Variants in AP2A2 observed in about 807,000 individuals in gnomAD.
AP2A2 encodes the protein adaptor related protein complex 2 subunit alpha 2.
AP2A2 carries 32 observed loss-of-function variants against 104.2 expected under a neutral mutation model. That is an observed-to-expected ratio of 0.31 (90% CI 0.23 to 0.41). AP2A2 has a LOEUF of 0.41. Among genes scored for constraint, AP2A2 ranks in the 10% least tolerant of loss-of-function variants. AP2A2 has a pLI of 1.00. For missense variants in AP2A2, 912 were observed against 1,261.0 expected, an observed-to-expected ratio of 0.72 and a Z score of 4.19; for synonymous variants, 539 against 533.3, an observed-to-expected ratio of 1.01 and a Z score of -0.15.
rs770895993 is a variant in AP2A2 at position 993,999 on chromosome 11, G to A, written c.1782+14G>A. ...ACCGACATTCTGGTAGGAGGCCCCC[G>A]CCCTTCGGGCTGGCTTGGCTGAGGG... On this transcript the variant is annotated intron_variant, in intron 13 of 21. Coordinates refer to ENST00000448903, the MANE Select transcript of AP2A2 (RefSeq NM_012305.4). This position sits in a 1 kb window ranked among gnomAD's most constrained non-coding sequence, Gnocchi z 8.2. The A allele has an allele frequency of 3.0e-5, 49 of 1,608,474 alleles. No homozygotes were observed. The highest frequency in any genetic ancestry group is 3.3e-4 in the Middle Eastern group (2 of 6,024).
At chr11:980,550 AGCGGTGACAGGCTG>A in intron 5 of AP2A2, among the ~76,000 whole-genome samples, 7 of 150,936 alleles carry the variant, frequency 4.6e-5, no homozygotes, top group Admixed American at 2.6e-4. Context: ...CGTGTCCTGG[AGCGGTGACAGGCTG>A]CCCGGTGCTT....
intron 5 of AP2A2, among the ~76,000 whole-genome samples, chr11:978,070 C>G (rs1355700508): frequency 6.6e-6 from 1 of 152,196 alleles, no homozygotes; most frequent in East Asian, 1.9e-4. Context: ...AGGAAATGCC[C>G]TCTGACAGCC....
chr11:955,809 G>C (rs117412399), intron 1 of AP2A2, among the ~76,000 whole-genome samples: 3,806 of 152,292 alleles, frequency 0.025, 63 homozygotes, highest in Middle Eastern at 0.048. Flanking sequence ...TTGTCCTGTG[G>C]GGGAGGCAAG....
chr11:962,258 T>C (rs1854467679), intron 2 of AP2A2, among the ~76,000 whole-genome samples: 1 of 152,230 alleles, frequency 6.6e-6, no homozygotes, highest in Non-Finnish European at 1.5e-5. Flanking sequence ...AGGAAATGCA[T>C]AGAAATTGCT....
chr11:984,751 C>A lies in AP2A2; in HGVS notation c.812C>A (p.Pro271Gln). ...LLRLLQCYPP[P>Q]DPAVRGRLTE... ...AGACTGCTGCAGTGCTACCCACCCC[C>A]AGGTAACGCGCAGGCCGCGGCTCCT... The change falls in exon 7 of 22, where the codon CCA becomes CAA. Residue 271 changes from proline (P) to glutamine (Q), a missense_variant and splice_region_variant. Pro to Gln is a moderately conservative substitution (Grantham distance 76). This residue lies in a region of AP2A2 where 350 missense variants were observed against 487.0 expected (regional missense o/e 0.72). Transcript: ENST00000448903. 1.2e-6 allele frequency: 2 copies of A among 1,607,756 alleles called. No homozygotes were observed. The highest frequency in any genetic ancestry group is 1.7e-6 in the Non-Finnish European group (2 of 1,175,518).
intron 1 of AP2A2, among the ~76,000 whole-genome samples, chr11:938,198 C>A (rs553850962): frequency 6.6e-6 from 1 of 152,202 alleles, no homozygotes; most frequent in Non-Finnish European, 1.5e-5. Context: ...TGGTGCCGCA[C>A]GAAGGCCAGC....
At chr11:935,784 C>T (rs1227946203) in intron 1 of AP2A2, among the ~76,000 whole-genome samples, 2 of 150,714 alleles carry the variant, frequency 1.3e-5, no homozygotes, top group Admixed American at 6.6e-5. Context: ...TTAGTAGAGA[C>T]GGAGTTTCAC....
At chr11:938,528 G>A (rs1425977777) in intron 1 of AP2A2, among the ~76,000 whole-genome samples, 1 of 149,770 alleles carries the variant, frequency 6.7e-6, no homozygotes, top group Non-Finnish European at 1.5e-5. Flanking sequence ...AGGCTGGAGT[G>A]CAGTGGCGCG....
chr11:950,778 CAACT>C (rs1232243158), intron 1 of AP2A2, among the ~76,000 whole-genome samples: 1 of 152,076 alleles, frequency 6.6e-6, no homozygotes, highest in African/African-American at 2.4e-5. Flanking sequence ...TTCATGAAGA[CAACT>C]AAATTAAAAA....
chr11:951,188 A>G (rs1854040637), intron 1 of AP2A2, among the ~76,000 whole-genome samples: 1 of 152,164 alleles, frequency 6.6e-6, no homozygotes, highest in South Asian at 2.1e-4. Context: ...AGAAAAATGC[A>G]TATCAAAATC....
rs1853277607 is a variant in AP2A2 at position 931,087 on chromosome 11, GTGGGC to G, written c.67+5001_67+5005del. Among the ~76,000 whole-genome samples the G allele has an allele frequency of 6.6e-5, 10 of 152,184 alleles. 1 individual carries two copies. The South Asian group carries it at 2.1e-3, about 32-fold the overall frequency. ...ATCTGTTCTCCATCTCTGTAATTTT[GTGGGC>G]TCAAGGATGTCATATAAAGGGAATC... On this transcript the variant is annotated intron_variant, in intron 1 of 21. Coordinates refer to ENST00000448903, the MANE Select transcript of AP2A2 (RefSeq NM_012305.4).
chr11:987,417 A>T (rs1855498587), intron 9 of AP2A2, among the ~76,000 whole-genome samples: 3 of 152,006 alleles, frequency 2.0e-5, no homozygotes, highest in African/African-American at 7.2e-5. Flanking sequence ...TGGGAGGCCG[A>T]GGCGGGTGGA....
At chr11:1,002,408 G>A (rs542339461) in intron 15 of AP2A2, among the ~76,000 whole-genome samples, 1 of 152,378 alleles carries the variant, frequency 6.6e-6, no homozygotes, top group South Asian at 2.1e-4. Flanking sequence ...CTGTGTTGTG[G>A]ATCGCTGTCC....
chr11:972,169 C>T lies in AP2A2; in HGVS notation c.387C>T (p.Gly129=), dbSNP rs1457727891. The T allele has an allele frequency of 1.1e-5, 17 of 1,613,090 alleles. No homozygotes were observed. Among genetic ancestry groups the T allele is most frequent in the Non-Finnish European group, 1.0e-5 (12 of 1,179,728 alleles). The change falls in exon 4 of 22, where the codon GGC becomes GGT. Residue 129 remains glycine, a synonymous_variant. Transcript: ENST00000448903. ...CCAGCCGCAACCCCACCTTCATGGG[C>T]CTGGCCCTGCACTGCATCGCCAGCG... is the stretch of plus-strand genomic sequence containing the variant. The part of the protein sequence containing the change: ...DLASRNPTFM[G]LALHCIASVG...
At chr11:929,745 C>T (rs115419721) in intron 1 of AP2A2, among the ~76,000 whole-genome samples, 4,220 of 151,524 alleles carry the variant, frequency 0.028, 199 homozygotes, top group African/African-American at 0.095. Context: ...GCCATGAACT[C>T]GGATTGCGCC....
At chr11:988,765 C>T (rs560274090) in intron 10 of AP2A2, 76 bp downstream of exon 10, 189 of 1,546,466 alleles carry the variant, frequency 1.2e-4, no homozygotes, top group Non-Finnish European at 1.5e-4. Context: ...TCGTGCTCTG[C>T]GATTCCGTCC....
chr11:929,985 G>A (rs1853236627), intron 1 of AP2A2, among the ~76,000 whole-genome samples: 1 of 152,030 alleles, frequency 6.6e-6, no homozygotes, highest in Non-Finnish European at 1.5e-5. Context: ...GCTGGGCGTG[G>A]TGGCATGCAC....
intron 18 of AP2A2, chr11:1,008,491 C>T (rs1298480750): frequency 1.2e-5 from 3 of 256,688 alleles, no homozygotes; most frequent in Non-Finnish European, 2.2e-5. Flanking sequence ...CAGCTGGTTT[C>T]CTTCGGCCCC....
Position 981,215 on chromosome 11 carries a change from C to T in AP2A2, c.621C>T (p.Ala207=). ...TCTTTCAGGGTGTGGTAACTGCAGC[C>T]ACAAGTCTGATCACCACTTTAGCAC... ...NDQHLGVVTA[A]TSLITTLAQK... is the part of the protein sequence containing the mutation. Residue 207 remains alanine (A), a synonymous_variant, in exon 6 of 22, where the codon GCC becomes GCT. Coordinates refer to ENST00000448903, the MANE Select transcript of AP2A2 (RefSeq NM_012305.4). 1 of 1,612,906 alleles carries T rather than the reference C, an allele frequency of 6.2e-7. No individual in the cohort carries two copies. Among genetic ancestry groups the T allele is most frequent in the Non-Finnish European group, 8.5e-7 (1 of 1,179,524 alleles).
Sources: allele counts gnomAD v4.1 joint callset (sites outside exome capture counted in the v4.1 genomes callset), GRCh38; gene constraint gnomAD v4.1.1; regional missense constraint gnomAD v4.1.1; non-coding constraint Gnocchi (gnomAD v3.1); transcripts MANE v1.5; gene names NCBI Gene and HGNC (gene_info 2026-07-23, HGNC 2026-07-21).